The following PEX5 variants were observed in gnomAD, a reference collection of about 807,000 sequenced individuals.
The protein encoded by PEX5 is PTS1 receptor.
In PEX5, 52 loss-of-function variants were observed where a neutral mutation model predicts 82.9. That is an observed-to-expected ratio of 0.63 (90% confidence interval 0.50 to 0.79). The LOEUF (loss-of-function observed/expected upper bound fraction) is 0.79. Ranked by LOEUF, PEX5 falls within the 30% of genes least tolerant of loss-of-function variation. PEX5 has a pLI of 0.00. For synonymous variants in PEX5, 300 were observed against 318.8 expected (o/e 0.94, Z 0.63); for missense variants, 719 against 815.2 (o/e 0.88, Z 1.44).
intron 17 of PEX5, among the ~76,000 whole-genome samples, chr12:7,216,924 C>T (rs776083930): frequency 5.2e-4 from 79 of 152,216 alleles, no homozygotes; most frequent in African/African-American, 1.8e-3. Flanking sequence ...AATGTTTAAT[C>T]TTTTGTTAAT....
chr12:7,197,572 ATTAC>A (rs1324729407), intron 5 of PEX5, among the ~76,000 whole-genome samples: 9 of 141,496 alleles, frequency 6.4e-5, no homozygotes, highest in East Asian at 4.0e-4. Context: ...ATAAGTAGTA[ATTAC>A]TTATTATTTA....
Position 7,189,914 on chromosome 12 carries a change from C to T in PEX5, c.-17+164C>T, listed in dbSNP as rs1018921350. The T allele has an allele frequency of 2.3e-5, 33 of 1,437,240 alleles. No individual in the cohort carries two copies. The East Asian group carries it at 6.2e-4, about 27-fold the overall frequency. The allele number at this position is 1,437,240 out of a possible 1,614,324, so 89.0% of individuals were successfully genotyped here. ...CCGGGCCGAGCCGGGGGAAGGGCTC[C>T]GGTGACTTAAGGGGAGGGAATGCTC... On this transcript the variant is annotated intron_variant, in intron 1 of 15. Coordinates refer to ENST00000675855, the MANE Select transcript of PEX5 (RefSeq NM_001351132.2).
At chr12:7,208,408 C>T (rs1219396074) in intron 12 of PEX5, 49 bp from the exon 13 acceptor site, 2 of 1,404,406 alleles carry the variant, frequency 1.4e-6, no homozygotes, top group Non-Finnish European at 2.0e-6. Flanking sequence ...TCACATGTGC[C>T]AGTGTCAGTC....
upstream of PEX5, chr12:7,189,023 G>T (rs761383100): frequency 6.6e-6 from 1 of 152,218 alleles, no homozygotes. Flanking sequence ...TTCCCTGTAC[G>T]TTACCAGCTC....
chr12:7,197,363 AAT>A (rs1942833524), intron 5 of PEX5, among the ~76,000 whole-genome samples: 1 of 76,070 alleles, frequency 1.3e-5, no homozygotes, highest in Non-Finnish European at 2.7e-5. Context: ...ACAATGTAAT[AAT>A]TATATATGTC....
At chr12:7,189,924 A>T in intron 1 of PEX5, 174 bp downstream of exon 1, 1 of 1,459,086 alleles carries the variant, frequency 6.9e-7, no homozygotes, top group South Asian at 1.4e-5. Flanking sequence ...CGGTGACTTA[A>T]GGGGAGGGAA....
downstream of PEX5, among the ~76,000 whole-genome samples, chr12:7,213,507 A>G (rs1272385475): frequency 7.2e-6 from 1 of 139,842 alleles, no homozygotes; most frequent in African/African-American, 2.7e-5. Flanking sequence ...TGGTGCAGGG[A>G]AAACTGGCTA....
rs1467304668 is a variant in PEX5 at position 7,209,098 on chromosome 12, C to A, written c.1488C>A (p.Val496=). Residue 496 remains valine (V), a synonymous_variant, in exon 14 of 16, where the codon GTC becomes GTA. Coordinates refer to ENST00000675855, the MANE Select transcript of PEX5 (RefSeq NM_001351132.2). ...CTGATGTGCAGTGTGGCTTGGGAGT[C>A]CTTTTCAACCTGAGTGGGGAGTATG... ...IDPDVQCGLG[V]LFNLSGEYDK... 1 of 1,614,104 alleles carries A rather than the reference C, an allele frequency of 6.2e-7. No homozygotes were observed. Among genetic ancestry groups the A allele is most frequent in the African/African-American group, 1.3e-5 (1 of 75,008 alleles).
At chr12:7,200,538 C>T (rs1188758198) in intron 6 of PEX5, among the ~76,000 whole-genome samples, 7 of 152,162 alleles carry the variant, frequency 4.6e-5, no homozygotes, top group African/African-American at 7.2e-5. Flanking sequence ...CCAAGGCAGG[C>T]GGCTGGGAGG....
chr12:7,210,286 C>G lies in PEX5; in HGVS notation c.*63C>G. ...GGATCCCCGCTTTGGATGTGATTCCCTCTCCCCAAATGGGCCTACCAAGGG... is the reference window on the plus strand; with the variant it reads ...GGATCCCCGCTTTGGATGTGATTCCGTCTCCCCAAATGGGCCTACCAAGGG... On this transcript the variant is annotated 3_prime_UTR_variant, in exon 16 of 16. Transcript: ENST00000675855. 6.6e-7 allele frequency: 1 copy of G among 1,526,560 alleles called. No individual in the cohort carries two copies. Among genetic ancestry groups the G allele is most frequent in the South Asian group, 1.1e-5 (1 of 89,308 alleles). The allele number at this position is 1,526,560 out of a possible 1,614,324, so 94.6% of individuals were successfully genotyped here. A position where few individuals can be genotyped will look rare whatever the true frequency, so the allele number is the denominator to read the frequency against.
chr12:7,197,087 C>T (rs183788249), intron 5 of PEX5, among the ~76,000 whole-genome samples: 2 of 20,978 alleles, frequency 9.5e-5, no homozygotes, highest in Non-Finnish European at 2.7e-4. Flanking sequence ...ATATATGTCA[C>T]ATATAATGTA....
chr12:7,214,986 C>T (rs186092693), downstream of PEX5, among the ~76,000 whole-genome samples: 50 of 152,174 alleles, frequency 3.3e-4, no homozygotes, highest in East Asian at 8.7e-3. Context: ...TTATCAGAGA[C>T]GTGGCATCTT....
rs2136278324 is a variant in PEX5, at chr12:7,211,164, T to TG, written c.*942dup. ...GTTCAGTGTTACCATAAGCCTTTGCTGTACTTCTTGAAATGTTTCTAGGGG... is the reference window on the plus strand; with the variant it reads ...GTTCAGTGTTACCATAAGCCTTTGCTGGTACTTCTTGAAATGTTTCTAGGGG... On this transcript the variant is annotated 3_prime_UTR_variant, in exon 16 of 16. Coordinates refer to ENST00000675855, the MANE Select transcript of PEX5 (RefSeq NM_001351132.2). 1 of 152,768 alleles carries TG rather than the reference T, an allele frequency of 6.5e-6. No homozygotes were observed. Among genetic ancestry groups the TG allele is most frequent in the South Asian group, 2.1e-4 (1 of 4,824 alleles). The allele number at this position is 152,768 out of a possible 1,614,324, so 9.5% of individuals were successfully genotyped here. A position where few individuals can be genotyped will look rare whatever the true frequency, so the allele number is the denominator to read the frequency against.
chr12:7,190,226 G>T (rs1940736199), intron 1 of PEX5, 136 bp from the exon 2 acceptor site: 3 of 1,582,170 alleles, frequency 1.9e-6, no homozygotes, highest in African/African-American at 2.7e-5. Flanking sequence ...GGTGGGGGTC[G>T]CAGCAAAAGC....
chr12:7,192,368 C>T (rs1335047229), intron 5 of PEX5, among the ~76,000 whole-genome samples: 2 of 152,144 alleles, frequency 1.3e-5, no homozygotes, highest in Non-Finnish European at 2.9e-5. Context: ...GATTCCTGAC[C>T]CTGTGGCCTT....
In PEX5 at chr12:7,197,119, AATAAT is replaced by A. The variant is rs1370950745; in HGVS notation, c.449-1888_449-1884del. ...TGTAATTATATATGTCATATAATGTAATAATATATGTCATATATAATGTAATAATT... is the reference window on the plus strand; with the variant it reads ...TGTAATTATATATGTCATATAATGTAATATGTCATATATAATGTAATAATT... On this transcript the variant is annotated intron_variant, in intron 5 of 15. Coordinates refer to ENST00000675855, the MANE Select transcript of PEX5 (RefSeq NM_001351132.2). 8.2e-5 allele frequency among the ~76,000 whole-genome samples: 5 copies of A among 60,950 alleles called. 2 individuals are homozygous for A. Among genetic ancestry groups the A allele is most frequent in the Non-Finnish European group, 1.9e-4 (5 of 25,784 alleles). 40.0% of individuals were successfully genotyped at this position (60,950 alleles called of 152,430 possible). A position where few individuals can be genotyped will look rare whatever the true frequency, so the allele number is the denominator to read the frequency against.
intron 5 of PEX5, among the ~76,000 whole-genome samples, chr12:7,193,880 C>A (rs1042066658): frequency 3.3e-5 from 5 of 152,160 alleles, no homozygotes; most frequent in Non-Finnish European, 2.9e-5. Context: ...TTTGTAGATT[C>A]TTTTGGAATC....
At chr12:7,202,064 T>C in intron 7 of PEX5, 177 bp from the exon 8 acceptor site, 1 of 1,003,970 alleles carries the variant, frequency 1.0e-6, no homozygotes, top group Middle Eastern at 3.1e-4. Flanking sequence ...TTGCAAGTCT[T>C]TAGAGCCAGA....
chr12:7,200,083 C>CA (rs1943556334), intron 6 of PEX5, among the ~76,000 whole-genome samples: 1 of 142,976 alleles, frequency 7.0e-6, no homozygotes, highest in Non-Finnish European at 1.6e-5. Flanking sequence ...ACCCCCACCT[C>CA]CCTCCCGGAC....
Sources: allele counts gnomAD v4.1 joint callset (sites outside exome capture counted in the v4.1 genomes callset), GRCh38; gene constraint gnomAD v4.1.1; transcripts MANE v1.5; gene names NCBI Gene and HGNC (gene_info 2026-07-23, HGNC 2026-07-21).